Variants in COL19A1 observed in about 807,000 individuals in gnomAD.
The protein encoded by COL19A1 is collagen alpha-1(XIX) chain.
COL19A1 carries 159 observed loss-of-function variants against 190.2 expected under a neutral mutation model. The ratio of observed to expected loss-of-function variants is 0.84; its 90% CI spans 0.73 to 0.95. The LOEUF (loss-of-function observed/expected upper bound fraction) is 0.95, where lower values mean the gene tolerates loss of function less well. COL19A1 is among the 40% of genes least tolerant of loss of function. The pLI is 0.00. For synonymous variants in COL19A1, 509 were observed against 458.9 expected (o/e 1.11, Z -1.39); for missense variants, 1,418 against 1,431.9 (o/e 0.99, Z 0.16).
intron 15 of COL19A1, among the ~76,000 whole-genome samples, chr6:70,077,999 T>G (rs1781995343): frequency 6.6e-6 from 1 of 152,256 alleles, no homozygotes; most frequent in African/African-American, 2.4e-5. Context: ...CCAAATCTTT[T>G]GCAGAAACAT....
chr6:70,186,643 T>A (rs1296003049), intron 46 of COL19A1, among the ~76,000 whole-genome samples: 1 of 152,168 alleles, frequency 6.6e-6, no homozygotes, highest in African/African-American at 2.4e-5. Context: ...ATATTTGGTG[T>A]GAGGATCACT....
intron 37 of COL19A1, among the ~76,000 whole-genome samples, chr6:70,167,670 G>A (rs547638762): frequency 4.6e-5 from 7 of 152,298 alleles, no homozygotes; most frequent in African/African-American, 1.7e-4. Context: ...TTAGCAGGCT[G>A]TAAACAGTTA....
chr6:70,107,670 A>G (rs17712342), intron 16 of COL19A1, among the ~76,000 whole-genome samples: 5,855 of 152,290 alleles, frequency 0.038, 151 homozygotes, highest in Non-Finnish European at 0.06. Flanking sequence ...TTGAATGTCT[A>G]TCAATGAATT....
intron 48 of COL19A1, among the ~76,000 whole-genome samples, chr6:70,193,422 C>T (rs1767002162): frequency 6.6e-6 from 1 of 152,078 alleles, no homozygotes; most frequent in South Asian, 2.1e-4. Flanking sequence ...GAGTTCCTGC[C>T]CCTCCTTCCT....
At chr6:69,991,700 C>T (rs774893156) in intron 11 of COL19A1, among the ~76,000 whole-genome samples, 6 of 151,810 alleles carry the variant, frequency 4.0e-5, no homozygotes, top group Non-Finnish European at 5.9e-5. Context: ...TAAGAAGTGT[C>T]CTGTTCACGT....
intron 9 of COL19A1, 35 bp downstream of exon 9, chr6:69,938,135 G>T: frequency 1.3e-6 from 2 of 1,589,320 alleles, no homozygotes; most frequent in East Asian, 2.2e-5. Flanking sequence ...GAGAAAACAG[G>T]GTTTTGTTAA....
chr6:69,928,137 T>A, intron 5 of COL19A1, 105 bp downstream of exon 5: 5 of 1,447,354 alleles, frequency 3.5e-6, no homozygotes, highest in Non-Finnish European at 4.7e-6. Flanking sequence ...AGTATCCAAA[T>A]GTTCTATCCT....
At chr6:70,045,312 C>CAAAAAAAAAAAAAAAAAAAAAAAAAAAA (rs34047162) in intron 14 of COL19A1, among the ~76,000 whole-genome samples, 1 of 68,960 alleles carries the variant, frequency 1.5e-5, no homozygotes. Context: ...GACTCTGTCT[C>CAAAAAAAAAAAAAAAAAAAAAAAAAAAA]AAAAAAAAAA....
intron 48 of COL19A1, among the ~76,000 whole-genome samples, chr6:70,193,233 G>A (rs1361981254): frequency 1.3e-5 from 2 of 152,160 alleles, no homozygotes; most frequent in Non-Finnish European, 2.9e-5. Context: ...ACTCCCTCCT[G>A]GGGAAGGCTC....
At chr6:70,051,007 G>A (rs1332796803) in intron 14 of COL19A1, among the ~76,000 whole-genome samples, 2 of 151,970 alleles carry the variant, frequency 1.3e-5, no homozygotes, top group Non-Finnish European at 2.9e-5. Flanking sequence ...TTTTAGCTTG[G>A]GCATATCACT....
intron 22 of COL19A1, among the ~76,000 whole-genome samples, chr6:70,142,285 C>T (rs1039676207): frequency 3.9e-5 from 6 of 152,078 alleles, no homozygotes; most frequent in Non-Finnish European, 8.8e-5. Context: ...TTTCTATACT[C>T]TTTTTCAGAG....
intron 9 of COL19A1, among the ~76,000 whole-genome samples, chr6:69,955,486 T>TA (rs975941672): frequency 6.6e-6 from 1 of 151,110 alleles, no homozygotes; most frequent in African/African-American, 2.4e-5. Flanking sequence ...CACGTTGTAT[T>TA]AATAGAAGTA....
chr6:69,958,166 G>C (rs1211324848), intron 9 of COL19A1, among the ~76,000 whole-genome samples: 2 of 152,158 alleles, frequency 1.3e-5, no homozygotes, highest in African/African-American at 4.8e-5. Flanking sequence ...TTGGGTGCCA[G>C]TACCCAGAGC....
At chr6:70,063,704 G>T (rs1402869828) in intron 14 of COL19A1, among the ~76,000 whole-genome samples, 1 of 151,800 alleles carries the variant, frequency 6.6e-6, no homozygotes, top group African/African-American at 2.4e-5. Flanking sequence ...CTGGTTTTTT[G>T]AAAAGATCAA....
chr6:70,022,680 A>G (rs1285123551), intron 11 of COL19A1, among the ~76,000 whole-genome samples: 3 of 152,190 alleles, frequency 2.0e-5, no homozygotes, highest in African/African-American at 7.2e-5. Context: ...AGAAATATAT[A>G]TTGGTTAACA....
intron 11 of COL19A1, among the ~76,000 whole-genome samples, chr6:70,003,449 T>C (rs1204293279): frequency 6.6e-6 from 1 of 152,216 alleles, no homozygotes; most frequent in African/African-American, 2.4e-5. Flanking sequence ...TTTATTGATC[T>C]GTCTAATATT....
intron 35 of COL19A1, among the ~76,000 whole-genome samples, chr6:70,162,665 C>T (rs1391363888): frequency 6.6e-6 from 1 of 152,128 alleles, no homozygotes; most frequent in East Asian, 1.9e-4. Flanking sequence ...TCAACTTCTC[C>T]ACCTCATCCT....
intron 7 of COL19A1, among the ~76,000 whole-genome samples, chr6:69,933,597 C>T (rs1432595734): frequency 6.6e-6 from 1 of 151,980 alleles, no homozygotes; most frequent in East Asian, 1.9e-4. Context: ...CTAAATATTC[C>T]CAACCTAACC....
intron 4 of COL19A1, among the ~76,000 whole-genome samples, chr6:69,913,185 A>C (rs1197695752): frequency 6.6e-6 from 1 of 152,146 alleles, no homozygotes; most frequent in African/African-American, 2.4e-5. Flanking sequence ...TAAGAATGTA[A>C]AGTTTCTTTT....
Sources: allele counts gnomAD v4.1 joint callset (sites outside exome capture counted in the v4.1 genomes callset), GRCh38; gene constraint gnomAD v4.1.1; transcripts MANE v1.5; gene names NCBI Gene and HGNC (gene_info 2026-07-23, HGNC 2026-07-21).